ZNF385D: variants seen among roughly 807,000 people sequenced by gnomAD.
ZNF385D encodes zinc finger protein 385D.
Under a neutral mutation model 35.8 loss-of-function variants are expected in ZNF385D, and 15 were observed. That is an observed-to-expected ratio of 0.42 (90% CI 0.28 to 0.64). ZNF385D has a LOEUF of 0.64. Among genes scored for constraint, ZNF385D ranks in the 30% least tolerant of loss-of-function variants. ZNF385D has a pLI of 0.23. For synonymous variants in ZNF385D, 212 were observed against 186.8 expected, an observed-to-expected ratio of 1.13 and a Z score of -1.10; for missense variants, 474 against 494.6, an observed-to-expected ratio of 0.96 and a Z score of 0.39.
At chr3:22,308,008 A>G (rs1014140372) in intron 2 of ZNF385D, among the ~76,000 whole-genome samples, 2 of 152,092 alleles carry the variant, frequency 1.3e-5, no homozygotes, top group African/African-American at 2.4e-5. Flanking sequence ...CAAATTCCAT[A>G]CTATAATTTA....
chr3:21,852,691 T>C (rs2670270), intron 3 of ZNF385D, among the ~76,000 whole-genome samples: 30,665 of 151,718 alleles, frequency 0.2, 3,624 homozygotes, highest in Middle Eastern at 0.33. Context: ...TACTAAAAAA[T>C]TGACAAAGAA....
At chr3:21,751,908 C>G (rs1256779157), upstream of ZNF385D, among the ~76,000 whole-genome samples, 3 of 152,060 alleles carry the variant, frequency 2.0e-5, no homozygotes, top group East Asian at 5.8e-4. Context: ...GATCTTTGAC[C>G]TCCTGAAACG....
chr3:22,326,471 T>C (rs1694684237), intron 2 of ZNF385D, among the ~76,000 whole-genome samples: 1 of 152,186 alleles, frequency 6.6e-6, no homozygotes, highest in African/African-American at 2.4e-5. Context: ...TTATTTCGCA[T>C]GCCTTGAGGA....
At chr3:21,892,935 A>AT (rs1452360721) in intron 3 of ZNF385D, among the ~76,000 whole-genome samples, 4 of 152,292 alleles carry the variant, frequency 2.6e-5, no homozygotes, top group African/African-American at 4.8e-5. Flanking sequence ...AAAAATAAGC[A>AT]TTTTTTGGAC....
chr3:21,821,173 A>T (rs1694198453), intron 3 of ZNF385D, among the ~76,000 whole-genome samples: 1 of 152,078 alleles, frequency 6.6e-6, no homozygotes, highest in African/African-American at 2.4e-5. Flanking sequence ...ATTTTATGAG[A>T]CAAGAATAGT....
chr3:22,353,251 C>T (rs926566420), intron 2 of ZNF385D, among the ~76,000 whole-genome samples: 3 of 152,042 alleles, frequency 2.0e-5, no homozygotes, highest in Non-Finnish European at 4.4e-5. Flanking sequence ...TGGGGCCATT[C>T]ACTCATCTGT....
chr3:21,579,510 G>C (rs2063589691), intron 2 of ZNF385D: 1 of 152,014 alleles, frequency 6.6e-6, no homozygotes, highest in South Asian at 2.1e-4. Flanking sequence ...TGCTATTAAA[G>C]GGAGGGATTT....
intron 2 of ZNF385D, among the ~76,000 whole-genome samples, chr3:22,178,854 T>C (rs2125774974): frequency 6.6e-6 from 1 of 152,362 alleles, no homozygotes; most frequent in Admixed American, 6.5e-5. Context: ...CCTTTCCCCA[T>C]TTCTTGTTTT....
chr3:22,093,007 C>T (rs1701410983), intron 3 of ZNF385D, among the ~76,000 whole-genome samples: 1 of 151,998 alleles, frequency 6.6e-6, no homozygotes, highest in Non-Finnish European at 1.5e-5. Context: ...TAGCTGAGCC[C>T]AGCATCCAGG....
chr3:22,035,704 G>C (rs1011023263), intron 3 of ZNF385D, among the ~76,000 whole-genome samples: 1 of 152,116 alleles, frequency 6.6e-6, no homozygotes, highest in Non-Finnish European at 1.5e-5. Flanking sequence ...AACAAGCAAT[G>C]GGCCATGAGT....
intron 3 of ZNF385D, among the ~76,000 whole-genome samples, chr3:21,790,422 T>C (rs975509109): frequency 6.6e-6 from 1 of 152,208 alleles, no homozygotes; most frequent in African/African-American, 2.4e-5. Flanking sequence ...TATCTGTTGG[T>C]GATAAGATTT....
upstream of ZNF385D, among the ~76,000 whole-genome samples, chr3:21,751,860 C>T (rs1313514817): frequency 2.6e-5 from 4 of 151,994 alleles, no homozygotes; most frequent in Admixed American, 2.6e-4. Context: ...TTGCTGCCTC[C>T]CTTAGTAGGC....
intron 2 of ZNF385D, among the ~76,000 whole-genome samples, chr3:22,178,182 C>A (rs984689190): frequency 6.6e-6 from 1 of 152,188 alleles, no homozygotes; most frequent in Non-Finnish European, 1.5e-5. Context: ...AATGGTTGAA[C>A]TAGTTTACAG....
intron 2 of ZNF385D, among the ~76,000 whole-genome samples, chr3:21,659,990 A>G (rs933980006): frequency 4.6e-5 from 7 of 152,024 alleles, no homozygotes; most frequent in South Asian, 2.1e-4. Context: ...CTGTCCTCCA[A>G]TGGATAAAAC....
At chr3:21,791,404 T>C (rs1403893202) in intron 3 of ZNF385D, among the ~76,000 whole-genome samples, 1 of 152,150 alleles carries the variant, frequency 6.6e-6, no homozygotes, top group Non-Finnish European at 1.5e-5. Flanking sequence ...CTATGAGCAA[T>C]AGTGACAAGA....
At chr3:21,986,519 T>G (rs1263651040) in intron 3 of ZNF385D, among the ~76,000 whole-genome samples, 5 of 137,882 alleles carry the variant, frequency 3.6e-5, no homozygotes, top group Non-Finnish European at 7.6e-5. Context: ...TTGATTGCAC[T>G]GTGGTCTGAG....
At position 22,030,283 on chromosome 3, in the gene ZNF385D, A is replaced by ATCC. The variant is rs1358647950; in HGVS notation, c.325+138533_325+138534insGGA. On this transcript the variant is annotated intron_variant, in intron 3 of 5. Transcript: ENST00000494108. ...TATATATATATATATATATATATAT[A>ATCC]TATATATATATATATATATCCTATT... 7.9e-3 allele frequency among the ~76,000 whole-genome samples: 775 copies of ATCC among 97,968 alleles called. 56 individuals carry two copies. Among genetic ancestry groups the ATCC allele is most frequent in the African/African-American group, 0.029 (717 of 25,044 alleles). 64.3% of individuals were successfully genotyped at this position (97,968 alleles called of 152,430 possible).
intron 2 of ZNF385D, among the ~76,000 whole-genome samples, chr3:22,328,074 A>T (rs1694761076): frequency 6.6e-6 from 1 of 151,812 alleles, no homozygotes; most frequent in Non-Finnish European, 1.5e-5. Context: ...TCTTTTATTT[A>T]GGTTTCTTTT....
At chr3:21,913,214 G>C (rs1219340381) in intron 3 of ZNF385D, among the ~76,000 whole-genome samples, 1 of 152,064 alleles carries the variant, frequency 6.6e-6, no homozygotes, top group East Asian at 1.9e-4. Flanking sequence ...AGGAAGGGAA[G>C]GTCAGAGAAG....
Sources: allele counts gnomAD v4.1 joint callset (sites outside exome capture counted in the v4.1 genomes callset), GRCh38; gene constraint gnomAD v4.1.1; transcripts MANE v1.5; gene names NCBI Gene and HGNC (gene_info 2026-07-23, HGNC 2026-07-21).